The following CSNK2A1 variants were observed in gnomAD, a reference collection of about 807,000 sequenced individuals.
The protein encoded by CSNK2A1 is casein kinase 2 alpha 1, also known as casein kinase II subunit alpha.
CSNK2A1 carries 10 observed loss-of-function variants against 62.9 expected under a neutral mutation model. The observed-to-expected ratio is 0.16, with a 90% confidence interval of 0.10 to 0.27. The LOEUF is 0.27. Ranked by LOEUF, CSNK2A1 falls within the 10% of genes least tolerant of loss-of-function variation. The probability of loss-of-function intolerance (pLI) is 1.00; values close to 1 mark genes in which losing one functional copy is unlikely to be tolerated. For synonymous variants in CSNK2A1, 124 were observed against 167.8 expected (o/e 0.74, Z 2.02); for missense variants, 160 against 492.0 (o/e 0.33, Z 6.38).
intron 8 of CSNK2A1, chr20:495,060 T>C (rs962949174): frequency 6.6e-6 from 1 of 152,170 alleles, no homozygotes; most frequent in Non-Finnish European, 1.5e-5. Flanking sequence ...AAGACAAGCA[T>C]TTATTGTATG....
chr20:475,938 G>A lies in CSNK2A1; in HGVS notation c.*8023C>T, dbSNP rs559722329. On this transcript the variant is annotated 3_prime_UTR_variant, in exon 14 of 14. Coordinates refer to ENST00000217244, the MANE Select transcript of CSNK2A1 (RefSeq NM_177559.3). ...AAAAACAGCTGCTTGGGCTGAACTTGATCTAGATCAGCTGAACTACATACA... is the reference window on the plus strand; with the variant it reads ...AAAAACAGCTGCTTGGGCTGAACTTAATCTAGATCAGCTGAACTACATACA... 4 of 152,334 alleles carry A rather than the reference G, an allele frequency of 2.6e-5. No individual in the cohort carries two copies. The highest frequency in any genetic ancestry group is 9.6e-5 in the African/African-American group (4 of 41,570). 9.4% of individuals were successfully genotyped at this position (152,334 alleles called of 1,614,324 possible).
chr20:499,056 A>T lies in CSNK2A1; in HGVS notation c.366+199T>A, dbSNP rs1318220605. 2.2e-5 allele frequency: 8 copies of T among 362,162 alleles called. No homozygotes were observed. Among genetic ancestry groups the T allele is most frequent in the Non-Finnish European group, 4.0e-5 (8 of 200,768 alleles). The allele number at this position is 362,162 out of a possible 1,614,324, so 22.4% of individuals were successfully genotyped here. ...CAATGTGTTGGTCATTAAAAAGAAC[A>T]TTAAACAAATGGGCAAAATATCAAG... On this transcript the variant is annotated intron_variant, in intron 6 of 13. Coordinates refer to ENST00000217244, the MANE Select transcript of CSNK2A1 (RefSeq NM_177559.3). The surrounding 1 kb of genome is among the most constrained non-coding windows in gnomAD (Gnocchi z 4.2).
rs372057045 is a variant in CSNK2A1 at position 477,897 on chromosome 20, C to CAAACAAAACA, written c.*6054_*6063dup. 30 of 152,096 alleles carry CAAACAAAACA rather than the reference C, an allele frequency of 2.0e-4. No individual in the cohort carries two copies. The highest frequency in any genetic ancestry group is 6.8e-4 in the African/African-American group (28 of 41,400). 9.4% of individuals were successfully genotyped at this position (152,096 alleles called of 1,614,324 possible). On this transcript the variant is annotated 3_prime_UTR_variant, in exon 14 of 14. Transcript: ENST00000217244. ...ATGCCTGTCTCAAAAACAAAACAAA[C>CAAACAAAACA]AAACAAAACAAAACAAAACAAAAAA... is the stretch of plus-strand genomic sequence containing the variant.
intron 3 of CSNK2A1, chr20:507,639 A>G (rs2018632356): frequency 6.6e-6 from 1 of 152,252 alleles, no homozygotes; most frequent in Non-Finnish European, 1.5e-5. Flanking sequence ...GGATAAGGGC[A>G]AATGTTTAAG....
rs1600382284 is a variant in CSNK2A1 at position 499,140 on chromosome 20, A to T, written c.366+115T>A. On this transcript the variant is annotated intron_variant, in intron 6 of 13. Transcript: ENST00000217244. This position sits in a 1 kb window ranked among gnomAD's most constrained non-coding sequence, Gnocchi z 4.2. The stretch of plus-strand genomic sequence containing the variant: ...CTTCTATCTTAAAATTTGCACTGTA[A>T]GGATGAAAAGCTTTTTAAAAACAAA... 7.1e-6 allele frequency: 6 copies of T among 845,686 alleles called. No homozygotes were observed. Among genetic ancestry groups the T allele is most frequent in the Non-Finnish European group, 1.0e-5 (6 of 584,768 alleles). The allele number at this position is 845,686 out of a possible 1,614,324, so 52.4% of individuals were successfully genotyped here.
At chr20:489,128 A>G (rs1480036041) in intron 10 of CSNK2A1, 1 of 228,914 alleles carries the variant, frequency 4.4e-6, no homozygotes, top group Non-Finnish European at 8.5e-6. Context: ...TATGACTGTA[A>G]CCTATTTTGT....
rs1010632833 is a variant in CSNK2A1 at position 509,750 on chromosome 20, T to C, written c.-109-1090A>G. ...ACCACCACCCTCAGCTAATTTTCTGTATTTTCAGTAGAGACGGTGTTTCAC... is the reference window on the plus strand; with the variant it reads ...ACCACCACCCTCAGCTAATTTTCTGCATTTTCAGTAGAGACGGTGTTTCAC... On this transcript the variant is annotated intron_variant, in intron 2 of 13. Transcript: ENST00000217244. 5.9e-5 allele frequency among the ~76,000 whole-genome samples: 9 copies of C among 152,246 alleles called. No homozygotes were observed. The East Asian group carries it at 1.7e-3, about 29-fold the overall frequency.
chr20:495,711 C>T lies in CSNK2A1; in HGVS notation c.510+8G>A. 6.2e-7 allele frequency: 1 copy of T among 1,612,408 alleles called. No individual in the cohort carries two copies. Among genetic ancestry groups the T allele is most frequent in the South Asian group, 1.1e-5 (1 of 91,044 alleles). On this transcript the variant is annotated splice_region_variant and intron_variant, in intron 8 of 13. Coordinates refer to ENST00000217244, the MANE Select transcript of CSNK2A1 (RefSeq NM_177559.3). Reference sequence around the variant, plus strand: ...AGATAAATAACACTTGTCAGCCTATCACTTTACCTTTCTGTGCTCATGATC... The same window carrying T: ...AGATAAATAACACTTGTCAGCCTATTACTTTACCTTTCTGTGCTCATGATC...
chr20:508,464 C>T lies in CSNK2A1; in HGVS notation c.88G>A (p.Val30Met). The T allele has an allele frequency of 6.2e-7, 1 of 1,614,094 alleles. No homozygotes were observed. ...AAAAACAATTACCCCCATTCCACCA[C>T]ATGTGACTCGTAATCCCAGTATTCT... is the stretch of plus-strand genomic sequence containing the variant. ...PREYWDYESH[V>M]VEWGNQDDYQ... The change falls in exon 3 of 14, where the codon GTG (valine) becomes ATG (methionine). Residue 30 changes from valine to methionine, a missense_variant. Physicochemically the swap from Val to Met is conservative, Grantham distance 21 (BLOSUM62 1). This residue lies in a region of CSNK2A1 where 94 missense variants were observed against 357.6 expected (regional missense o/e 0.26). Coordinates refer to ENST00000217244, the MANE Select transcript of CSNK2A1 (RefSeq NM_177559.3).
chr20:512,612 A>G (rs1210389598), intron 2 of CSNK2A1, among the ~76,000 whole-genome samples: 2 of 152,194 alleles, frequency 1.3e-5, no homozygotes, highest in Admixed American at 6.5e-5. Context: ...GACAAACACA[A>G]TTAATGACAT....
At position 499,950 on chromosome 20, in the gene CSNK2A1, T is replaced by C; in HGVS notation, c.214-16A>G. 3.9e-6 allele frequency: 6 copies of C among 1,520,850 alleles called. No individual in the cohort carries two copies. The highest frequency in any genetic ancestry group is 5.3e-6 in the Non-Finnish European group (6 of 1,128,888). The allele number at this position is 1,520,850 out of a possible 1,614,324, so 94.2% of individuals were successfully genotyped here. On this transcript the variant is annotated splice_polypyrimidine_tract_variant and intron_variant, in intron 4 of 13. Coordinates refer to ENST00000217244, the MANE Select transcript of CSNK2A1 (RefSeq NM_177559.3). The surrounding 1 kb of genome is among the most constrained non-coding windows in gnomAD (Gnocchi z 4.2). ...TTTTTACTGGCTGAAAGGGGAAAAG[T>C]ACATCAGCAAAAAAAAAAAAAAAAA...
chr20:488,209 G>T, intron 11 of CSNK2A1: 1 of 173,732 alleles, frequency 5.8e-6, no homozygotes, highest in South Asian at 1.4e-4. Context: ...TGGAGTCGAG[G>T]GTCTCATTAT....
At chr20:492,424 T>C (rs2018255518) in intron 8 of CSNK2A1, 60 bp from the exon 9 acceptor site, 1 of 1,530,214 alleles carries the variant, frequency 6.5e-7, no homozygotes, top group African/African-American at 1.4e-5. Flanking sequence ...CACTGTGCCA[T>C]TAGCATACTC....
intron 2 of CSNK2A1, among the ~76,000 whole-genome samples, chr20:519,280 G>C (rs774629749): frequency 2.0e-5 from 3 of 152,148 alleles, no homozygotes; most frequent in Non-Finnish European, 2.9e-5. Context: ...AAAGAGAATG[G>C]GATAAAGGCA....
At position 499,687 on chromosome 20, in the gene CSNK2A1, C is replaced by A; in HGVS notation, c.315+146G>T. On this transcript the variant is annotated intron_variant, in intron 5 of 13. Coordinates refer to ENST00000217244, the MANE Select transcript of CSNK2A1 (RefSeq NM_177559.3). This position sits in a 1 kb window ranked among gnomAD's most constrained non-coding sequence, Gnocchi z 4.2. ...GGTCTCTTTGAAAGAAAGACCCAAGCTAGTTAAATGGTATATCTGATTAAG... is the reference window on the plus strand; with the variant it reads ...GGTCTCTTTGAAAGAAAGACCCAAGATAGTTAAATGGTATATCTGATTAAG... 1 of 723,456 alleles carries A rather than the reference C, an allele frequency of 1.4e-6. No individual in the cohort carries two copies. Among genetic ancestry groups the A allele is most frequent in the Admixed American group, 2.4e-5 (1 of 41,800 alleles). 44.8% of individuals were successfully genotyped at this position (723,456 alleles called of 1,614,324 possible).
chr20:538,576 C>G (rs989814227), intron 1 of CSNK2A1, among the ~76,000 whole-genome samples: 1 of 152,138 alleles, frequency 6.6e-6, no homozygotes, highest in East Asian at 1.9e-4. Context: ...AAAGAAAAGA[C>G]TTTTCTTAAA....
chr20:501,789 A>G (rs2018477402), intron 4 of CSNK2A1: 1 of 152,170 alleles, frequency 6.6e-6, no homozygotes. Context: ...GGTGGTTACT[A>G]AAGTTTGATG....
intron 10 of CSNK2A1, chr20:489,079 A>G (rs1206157590): frequency 7.1e-6 from 2 of 283,068 alleles, no homozygotes; most frequent in Non-Finnish European, 1.3e-5. Flanking sequence ...ACTCACCACT[A>G]CTGCCTTTTG....
chr20:542,458 G>A (rs1322053892), intron 1 of CSNK2A1, among the ~76,000 whole-genome samples: 2 of 152,204 alleles, frequency 1.3e-5, no homozygotes, highest in Non-Finnish European at 2.9e-5. Flanking sequence ...TTTTGAGGCG[G>A]AGTCTCGCTC....
Sources: allele counts gnomAD v4.1 joint callset (sites outside exome capture counted in the v4.1 genomes callset), GRCh38; gene constraint gnomAD v4.1.1; regional missense constraint gnomAD v4.1.1; non-coding constraint Gnocchi (gnomAD v3.1); transcripts MANE v1.5; gene names NCBI Gene and HGNC (gene_info 2026-07-23, HGNC 2026-07-21).